The following PCDHA2 variants were observed in gnomAD, a reference collection of about 807,000 sequenced individuals.
PCDHA2 encodes the protein protocadherin alpha 2.
Under a neutral mutation model 66.0 loss-of-function variants are expected in PCDHA2, and 58 were observed. The observed-to-expected ratio is 0.88, with a 90% CI of 0.71 to 1.09. The LOEUF is 1.09. Among genes scored for constraint, PCDHA2 ranks in the 50% least tolerant of loss-of-function variants. The pLI is 0.00. For missense variants in PCDHA2, 1,267 were observed against 1,242.3 expected (o/e 1.02, Z -0.30); for synonymous variants, 634 against 554.0 (o/e 1.14, Z -2.03).
chr5:140,937,089 G>A (rs2091320544), intron 1 of PCDHA2, among the ~76,000 whole-genome samples: 1 of 149,070 alleles, frequency 6.7e-6, no homozygotes, highest in African/African-American at 2.5e-5. Context: ...CCAGGCTGGA[G>A]TGCAGTGGCG....
intron 1 of PCDHA2, among the ~76,000 whole-genome samples, chr5:140,898,790 AT>A (rs1193457354): frequency 2.6e-5 from 4 of 152,112 alleles, no homozygotes; most frequent in African/African-American, 7.2e-5. Flanking sequence ...CAGTATGGCC[AT>A]TTTCACGATA....
At chr5:140,849,958 C>T in intron 1 of PCDHA2, 1 of 1,597,890 alleles carries the variant, frequency 6.3e-7, no homozygotes, top group South Asian at 1.1e-5. Context: ...CAGGAGAACG[C>T]CCTGGTGTCC....
Position 140,842,464 on chromosome 5 carries a change from C to T in PCDHA2, c.2388+45112C>T, listed in dbSNP as rs2150336696. On this transcript the variant is annotated intron_variant, in intron 1 of 3. Coordinates refer to ENST00000526136, the MANE Select transcript of PCDHA2 (RefSeq NM_018905.3). ...GCGTGAACGACCTCGATTCAGGTGC[C>T]AACGGGCAGGTGACCTGCTCCCTGA... 1.1e-4 allele frequency: 180 copies of T among 1,613,798 alleles called. 1 individual carries two copies. The highest frequency in any genetic ancestry group is 1.5e-4 in the Non-Finnish European group (172 of 1,179,758).
chr5:140,806,093 T>C lies in PCDHA2; in HGVS notation c.2388+8741T>C, dbSNP rs139590194. 9.4e-4 allele frequency among the ~76,000 whole-genome samples: 143 copies of C among 152,214 alleles called. 1 individual carries two copies. The highest frequency in any genetic ancestry group is 3.3e-3 in the African/African-American group (138 of 41,536). On this transcript the variant is annotated intron_variant, in intron 1 of 3. Coordinates refer to ENST00000526136, the MANE Select transcript of PCDHA2 (RefSeq NM_018905.3). ...CTGCAGTTTGTAAAAGAAGAAAAAA[T>C]ACCTGTTCAATTGGTTTGATCATGA... is the stretch of plus-strand genomic sequence containing the variant.
chr5:140,836,429 A>G, intron 1 of PCDHA2: 1 of 1,613,806 alleles, frequency 6.2e-7, no homozygotes, highest in Non-Finnish European at 8.5e-7. Flanking sequence ...CGTCGCGGGC[A>G]TCGTTGGGCA....
rs143469399 is a variant in PCDHA2 at position 140,850,397 on chromosome 5, G to T, written c.2388+53045G>T. On this transcript the variant is annotated intron_variant, in intron 1 of 3. Transcript: ENST00000526136. ...TGTACACGGGCGAGATCAGCACAAC[G>T]CGTGCCCTGGACGAAACGGACGCAC... 3.1e-6 allele frequency: 5 copies of T among 1,597,958 alleles called. No homozygotes were observed. The Admixed American group carries it at 6.8e-5, about 22-fold the overall frequency.
intron 1 of PCDHA2, among the ~76,000 whole-genome samples, chr5:140,840,582 C>T (rs1776775651): frequency 6.6e-6 from 1 of 151,916 alleles, no homozygotes; most frequent in African/African-American, 2.4e-5. Flanking sequence ...TCAGAGAAAT[C>T]ATAAAGGAAA....
chr5:141,008,731 A>G (rs570212555), intron 3 of PCDHA2, among the ~76,000 whole-genome samples: 88 of 152,328 alleles, frequency 5.8e-4, no homozygotes, highest in Non-Finnish European at 1.0e-3. Flanking sequence ...GTCCAACTAG[A>G]CTGTGAGCAC....
intron 1 of PCDHA2, among the ~76,000 whole-genome samples, chr5:140,971,388 C>A (rs1554233283): frequency 6.6e-6 from 1 of 152,132 alleles, no homozygotes; most frequent in Non-Finnish European, 1.5e-5. Flanking sequence ...TTAATAAAGG[C>A]AAATTTCTGC....
At chr5:140,840,377 TA>T (rs1239184910) in intron 1 of PCDHA2, among the ~76,000 whole-genome samples, 2 of 151,814 alleles carry the variant, frequency 1.3e-5, no homozygotes, top group Non-Finnish European at 2.9e-5. Context: ...AAAATGAAAA[TA>T]GGGGGTTGCA....
At chr5:140,962,803 T>C (rs2095709614) in intron 1 of PCDHA2, among the ~76,000 whole-genome samples, 1 of 152,240 alleles carries the variant, frequency 6.6e-6, no homozygotes. Context: ...TGGACAACTC[T>C]AAACATCAGA....
intron 1 of PCDHA2, chr5:140,860,894 C>A (rs1220238688): frequency 1.3e-5 from 2 of 152,314 alleles, no homozygotes; most frequent in African/African-American, 2.4e-5. Context: ...CCCGCCAACA[C>A]GCCAGGCTAA....
chr5:140,969,261 T>G (rs2153777840), intron 1 of PCDHA2: 1 of 1,614,180 alleles, frequency 6.2e-7, no homozygotes, highest in South Asian at 1.1e-5. Flanking sequence ...AGCAGGAATC[T>G]CACAGGCCAA....
intron 1 of PCDHA2, among the ~76,000 whole-genome samples, chr5:140,837,869 G>A (rs1367921938): frequency 6.6e-6 from 1 of 151,606 alleles, no homozygotes; most frequent in African/African-American, 2.4e-5. Flanking sequence ...TGTAGAGACA[G>A]GGTGGAGTCT....
intron 1 of PCDHA2, chr5:140,883,969 G>C: frequency 6.2e-7 from 1 of 1,612,962 alleles, no homozygotes; most frequent in Non-Finnish European, 8.5e-7. Context: ...CGCTGCTGAC[G>C]CCCGGGGCTG....
intron 1 of PCDHA2, among the ~76,000 whole-genome samples, chr5:140,906,402 A>G (rs1378425113): frequency 1.3e-5 from 2 of 152,268 alleles, no homozygotes; most frequent in African/African-American, 4.8e-5. Flanking sequence ...AAATTTTCAT[A>G]TGAAGTCAAT....
chr5:140,844,004 C>G (rs1427252169), intron 1 of PCDHA2, among the ~76,000 whole-genome samples: 1 of 149,654 alleles, frequency 6.7e-6, no homozygotes, highest in Non-Finnish European at 1.5e-5. Context: ...CTGAACAATA[C>G]TCTAAGGACG....
chr5:140,920,387 A>G (rs1163833842), intron 1 of PCDHA2, among the ~76,000 whole-genome samples: 3 of 152,098 alleles, frequency 2.0e-5, no homozygotes, highest in African/African-American at 7.2e-5. Context: ...TCATATTACC[A>G]TCTGGTGTCT....
chr5:140,801,588 C>T lies in PCDHA2; in HGVS notation c.2388+4236C>T, dbSNP rs782429900. 4.3e-6 allele frequency: 7 copies of T among 1,614,062 alleles called. No individual in the cohort carries two copies. The Admixed American group carries it at 8.3e-5, about 19-fold the overall frequency. ...AGTGAAGGACATTAATGACAACGCG[C>T]CAGTTTTTCCAATGGCTGTAAAGAA... On this transcript the variant is annotated intron_variant, in intron 1 of 3. Transcript: ENST00000526136.
Sources: allele counts gnomAD v4.1 joint callset (sites outside exome capture counted in the v4.1 genomes callset), GRCh38; gene constraint gnomAD v4.1.1; transcripts MANE v1.5; gene names NCBI Gene and HGNC (gene_info 2026-07-23, HGNC 2026-07-21).